The following PDSS2 variants were observed in gnomAD, a reference collection of about 807,000 sequenced individuals.
The protein encoded by PDSS2 is all trans-polyprenyl-diphosphate synthase PDSS2.
A neutral mutation model predicts 44.5 loss-of-function variants in PDSS2; 31 were observed. The ratio of observed to expected loss-of-function variants is 0.70; its 90% confidence interval spans 0.52 to 0.94. The LOEUF (loss-of-function observed/expected upper bound fraction) is 0.94, where lower values mean the gene tolerates loss of function less well. Among genes scored for constraint, PDSS2 ranks in the 40% least tolerant of loss-of-function variants. The pLI is 0.00. For missense variants in PDSS2, 452 were observed against 482.2 expected, an observed-to-expected ratio of 0.94 and a Z score of 0.59; for synonymous variants, 157 against 180.3, an observed-to-expected ratio of 0.87 and a Z score of 1.03.
At chr6:107,227,278 CTTTTTTTTTTTTTTT>C (rs60988844) in intron 4 of PDSS2, among the ~76,000 whole-genome samples, 36 of 102,804 alleles carry the variant, frequency 3.5e-4, no homozygotes, top group South Asian at 2.1e-3. Context: ...CCACTGTGCC[CTTTTTTTTTTTTTTT>C]TTTTTTTTTT....
intron 2 of PDSS2, among the ~76,000 whole-genome samples, chr6:107,299,837 T>C (rs1285015924): frequency 1.3e-5 from 2 of 152,198 alleles, no homozygotes; most frequent in African/African-American, 4.8e-5. Context: ...TTGGAGCCAC[T>C]GTCTGTTGGA....
intron 2 of PDSS2, among the ~76,000 whole-genome samples, chr6:107,278,350 G>GAAGACATTTTTTT (rs1468778061): frequency 1.5e-4 from 23 of 152,214 alleles, no homozygotes; most frequent in African/African-American, 5.3e-4. Context: ...AAAGTTAACA[G>GAAGACATTTTTTT]AAGACATTTT....
intron 1 of PDSS2, among the ~76,000 whole-genome samples, chr6:107,422,308 T>C (rs547769891): frequency 6.6e-6 from 1 of 152,128 alleles, no homozygotes; most frequent in East Asian, 1.9e-4. Flanking sequence ...AAGAAGACTT[T>C]TATAACATCT....
chr6:107,298,687 G>GCATA (rs1476647115), intron 2 of PDSS2, among the ~76,000 whole-genome samples: 8 of 152,160 alleles, frequency 5.3e-5, no homozygotes, highest in Non-Finnish European at 8.8e-5. Flanking sequence ...TTGTACAGAT[G>GCATA]CATACATACA....
chr6:107,317,575 C>T (rs1365869000), intron 2 of PDSS2, among the ~76,000 whole-genome samples: 1 of 152,136 alleles, frequency 6.6e-6, no homozygotes, highest in East Asian at 1.9e-4. Flanking sequence ...AGATTACAAC[C>T]GTGCCTGACC....
At chr6:107,320,224 G>A (rs959522534) in intron 2 of PDSS2, among the ~76,000 whole-genome samples, 3 of 152,126 alleles carry the variant, frequency 2.0e-5, no homozygotes, top group African/African-American at 4.8e-5. Flanking sequence ...CTTGTTTTGC[G>A]TCGCAGTTTG....
rs151278259 is a variant in PDSS2, at chr6:107,253,492, A to G, written c.631-7873T>C. 1.9e-3 allele frequency among the ~76,000 whole-genome samples: 287 copies of G among 152,322 alleles called. 4 individuals are homozygous for G. In the East Asian group the frequency reaches 0.029, roughly 15 times the overall value. On this transcript the variant is annotated intron_variant, in intron 3 of 7. Transcript: ENST00000369037. ...AACTTCATAAAGATAAAGGCCATTTATTGGTTTTTGATCACTCAGAAGGTT... is the reference window on the plus strand; with the variant it reads ...AACTTCATAAAGATAAAGGCCATTTGTTGGTTTTTGATCACTCAGAAGGTT...
chr6:107,349,348 G>C (rs949057602), intron 1 of PDSS2, among the ~76,000 whole-genome samples: 6 of 152,056 alleles, frequency 3.9e-5, no homozygotes, highest in Non-Finnish European at 7.4e-5. Flanking sequence ...CAGGAGAATG[G>C]CGTGAACCTG....
At chr6:107,330,175 TC>T (rs1329556721) in intron 2 of PDSS2, among the ~76,000 whole-genome samples, 1 of 152,126 alleles carries the variant, frequency 6.6e-6, no homozygotes, top group African/African-American at 2.4e-5. Context: ...GCAACTTTCA[TC>T]TTGAATGGGT....
At chr6:107,197,271 G>A (rs1468632360) in intron 6 of PDSS2, among the ~76,000 whole-genome samples, 1 of 147,866 alleles carries the variant, frequency 6.8e-6, no homozygotes, top group African/African-American at 2.5e-5. Flanking sequence ...TAAGGGGGGG[G>A]TGCAGTCTTG....
chr6:107,228,424 C>T lies in PDSS2; in HGVS notation c.703-16142G>A, dbSNP rs181312046. Among the ~76,000 whole-genome samples the T allele has an allele frequency of 4.6e-3, 701 of 152,088 alleles. 3 individuals are homozygous for T. The highest frequency in any genetic ancestry group is 7.3e-3 in the Non-Finnish European group (499 of 67,980). ...AAAAAGTTTGCTAGGCCAGGCGCGG[C>T]GGCTCACACCTGTAATCCCAGCACT... On this transcript the variant is annotated intron_variant, in intron 4 of 7. Transcript: ENST00000369037.
intron 4 of PDSS2, among the ~76,000 whole-genome samples, chr6:107,218,892 T>G (rs1400008328): frequency 4.6e-5 from 7 of 152,086 alleles, no homozygotes; most frequent in African/African-American, 1.7e-4. Flanking sequence ...ACTTTGTCTC[T>G]ACTAAAAATG....
chr6:107,413,588 C>G (rs1220444199), intron 1 of PDSS2, among the ~76,000 whole-genome samples: 2 of 152,112 alleles, frequency 1.3e-5, no homozygotes. Flanking sequence ...CCTCAGCCTC[C>G]CAAGTAGCTG....
At chr6:107,258,700 G>T (rs1189030347) in intron 3 of PDSS2, among the ~76,000 whole-genome samples, 3 of 152,304 alleles carry the variant, frequency 2.0e-5, no homozygotes, top group African/African-American at 7.2e-5. Flanking sequence ...CTACTTGGGA[G>T]GCTGAGGCAG....
intron 6 of PDSS2, among the ~76,000 whole-genome samples, chr6:107,205,044 A>T (rs2114593795): frequency 6.6e-6 from 1 of 152,342 alleles, no homozygotes; most frequent in South Asian, 2.1e-4. Flanking sequence ...GTCTTAAAGA[A>T]CTAGAAGAGT....
chr6:107,435,662 A>T (rs1166045869), intron 1 of PDSS2, among the ~76,000 whole-genome samples: 1 of 152,184 alleles, frequency 6.6e-6, no homozygotes, highest in African/African-American at 2.4e-5. Context: ...ACATTTTAAC[A>T]GACAGAAATC....
chr6:107,400,074 G>A (rs1297536193), intron 1 of PDSS2, among the ~76,000 whole-genome samples: 1 of 152,048 alleles, frequency 6.6e-6, no homozygotes, highest in Non-Finnish European at 1.5e-5. Flanking sequence ...TGGGGGGAGT[G>A]TCTCCACAAT....
chr6:107,247,751 C>T (rs553545830), intron 3 of PDSS2, among the ~76,000 whole-genome samples: 1 of 149,032 alleles, frequency 6.7e-6, no homozygotes, highest in Non-Finnish European at 1.5e-5. Context: ...CCTGTAATAC[C>T]AGCAGTTTGG....
At chr6:107,407,993 C>T (rs1780376016) in intron 1 of PDSS2, among the ~76,000 whole-genome samples, 1 of 152,066 alleles carries the variant, frequency 6.6e-6, no homozygotes, top group African/African-American at 2.4e-5. Context: ...GCCACCACAC[C>T]CGGCCAGTCT....
Sources: gnomAD v4.1 joint callset for allele counts (sites outside exome capture counted in the v4.1 genomes callset) on GRCh38, gnomAD v4.1.1 for gene constraint, MANE v1.5 for transcripts, NCBI Gene and HGNC (gene_info 2026-07-23, HGNC 2026-07-21) for gene names.